The following LRRTM3 variants were observed in gnomAD, a reference collection of about 807,000 sequenced individuals.
LRRTM3 encodes leucine-rich repeat transmembrane neuronal protein 3.
In LRRTM3, 24 loss-of-function variants were observed where a neutral mutation model predicts 44.7. That is an observed-to-expected ratio of 0.54 (90% CI 0.39 to 0.76). The LOEUF (loss-of-function observed/expected upper bound fraction) is 0.76, where lower values mean the gene tolerates loss of function less well. LRRTM3 is among the 30% of genes least tolerant of loss of function. LRRTM3 has a pLI of 0.00. For synonymous variants in LRRTM3, 277 were observed against 278.7 expected, an observed-to-expected ratio of 0.99 and a Z score of 0.06; for missense variants, 587 against 702.2, an observed-to-expected ratio of 0.84 and a Z score of 1.85.
At chr10:66,947,695 A>AT (rs958949736) in intron 2 of LRRTM3, among the ~76,000 whole-genome samples, 1 of 152,136 alleles carries the variant, frequency 6.6e-6, no homozygotes, top group East Asian at 1.9e-4. Flanking sequence ...GTTTTCAAAT[A>AT]TTTTTTTCTT....
chr10:67,020,716 C>A (rs953425792), intron 2 of LRRTM3, among the ~76,000 whole-genome samples: 43 of 152,116 alleles, frequency 2.8e-4, no homozygotes, highest in Middle Eastern at 6.8e-3. Flanking sequence ...GCACTAAAAC[C>A]TGGGTTTTAA....
At chr10:67,072,633 A>G (rs186981735) in intron 2 of LRRTM3, among the ~76,000 whole-genome samples, 1 of 152,236 alleles carries the variant, frequency 6.6e-6, no homozygotes, top group Admixed American at 6.5e-5. Flanking sequence ...CCCCTTGTTT[A>G]TCTATACTTG....
intron 2 of LRRTM3, among the ~76,000 whole-genome samples, chr10:67,047,855 A>G (rs1205567939): frequency 6.6e-6 from 1 of 152,026 alleles, no homozygotes. Context: ...TCCTGCTCTT[A>G]GTTCAATGTC....
intron 2 of LRRTM3, among the ~76,000 whole-genome samples, chr10:67,075,004 C>G (rs1227294055): frequency 6.6e-6 from 1 of 152,086 alleles, no homozygotes; most frequent in African/African-American, 2.4e-5. Flanking sequence ...TCTTTTGGTA[C>G]TTAAAGATGC....
intron 2 of LRRTM3, among the ~76,000 whole-genome samples, chr10:67,070,035 T>C (rs1856351724): frequency 6.6e-6 from 1 of 152,216 alleles, no homozygotes; most frequent in African/African-American, 2.4e-5. Flanking sequence ...AGAACTTCCA[T>C]TGCTCTACAT....
intron 2 of LRRTM3, among the ~76,000 whole-genome samples, chr10:67,088,321 C>A (rs1022228971): frequency 2.0e-5 from 3 of 151,788 alleles, no homozygotes; most frequent in African/African-American, 7.3e-5. Context: ...ATGAATATTT[C>A]TCTTTGGTTT....
chr10:66,980,487 CAAAACTATT>C (rs1564809877), intron 2 of LRRTM3, among the ~76,000 whole-genome samples: 14 of 137,756 alleles, frequency 1.0e-4, no homozygotes, highest in East Asian at 9.8e-4. Context: ...GAACAGGAAC[CAAAACTATT>C]GAGACCTTCC....
intron 2 of LRRTM3, among the ~76,000 whole-genome samples, chr10:66,986,959 G>A (rs371001299): frequency 4.6e-5 from 7 of 152,068 alleles, no homozygotes; most frequent in South Asian, 2.1e-4. Flanking sequence ...AGGTCACATC[G>A]TCAGAATGGG....
At chr10:66,933,669 T>C (rs1300582392) in intron 2 of LRRTM3, among the ~76,000 whole-genome samples, 3 of 152,166 alleles carry the variant, frequency 2.0e-5, no homozygotes, top group Non-Finnish European at 4.4e-5. Context: ...CCTCTTAGTA[T>C]AGAAATTACT....
chr10:67,053,100 T>A (rs1054092928), intron 2 of LRRTM3, among the ~76,000 whole-genome samples: 1 of 152,308 alleles, frequency 6.6e-6, no homozygotes, highest in Admixed American at 6.5e-5. Flanking sequence ...AACTTTGTAA[T>A]ACTGCTTTGT....
chr10:66,981,312 A>G (rs966827221), intron 2 of LRRTM3, among the ~76,000 whole-genome samples: 1 of 152,120 alleles, frequency 6.6e-6, no homozygotes, highest in Admixed American at 6.6e-5. Context: ...ACCTTCATCT[A>G]TATCTCTAAA....
chr10:67,016,885 A>T (rs1434194965), intron 2 of LRRTM3, among the ~76,000 whole-genome samples: 1 of 152,210 alleles, frequency 6.6e-6, no homozygotes, highest in Non-Finnish European at 1.5e-5. Context: ...AACTGGAATG[A>T]TACGAATATT....
At chr10:67,066,055 AT>A (rs1564867048) in intron 2 of LRRTM3, among the ~76,000 whole-genome samples, 1 of 152,114 alleles carries the variant, frequency 6.6e-6, no homozygotes, top group Non-Finnish European at 1.5e-5. Context: ...CTATGAGGTT[AT>A]TTAGGGTCTG....
At position 67,050,326 on chromosome 10, in the gene LRRTM3, G is replaced by C. The variant is rs185577775; in HGVS notation, c.1537-47261G>C. Among the ~76,000 whole-genome samples the C allele has an allele frequency of 1.1e-4, 16 of 152,000 alleles. No individual in the cohort carries two copies. The East Asian group carries it at 3.1e-3, about 29-fold the overall frequency. On this transcript the variant is annotated intron_variant, in intron 2 of 2. Transcript: ENST00000361320. ...CCTGCTCTCCCTTTCTTGAGCGTTC[G>C]GTCTACTTTTTCTTTTTGCAACTGA...
At chr10:67,027,953 AT>A (rs1428240946) in intron 2 of LRRTM3, among the ~76,000 whole-genome samples, 1 of 152,120 alleles carries the variant, frequency 6.6e-6, no homozygotes, top group Non-Finnish European at 1.5e-5. Context: ...TAAAATCTCC[AT>A]CTGTTTTCTC....
In LRRTM3 at chr10:66,981,445, C is replaced by T. The variant is rs73314119; in HGVS notation, c.1536+52993C>T. ...GAATTGCCACTGACCATATGACTTACCCATCCCCATTTCCATTTCCATTTA... is the reference window on the plus strand; with the variant it reads ...GAATTGCCACTGACCATATGACTTATCCATCCCCATTTCCATTTCCATTTA... On this transcript the variant is annotated intron_variant, in intron 2 of 2. Coordinates refer to ENST00000361320, the MANE Select transcript of LRRTM3 (RefSeq NM_178011.5). 7.4e-3 allele frequency among the ~76,000 whole-genome samples: 1,132 copies of T among 152,272 alleles called. 18 individuals carry two copies. Among genetic ancestry groups the T allele is most frequent in the African/African-American group, 0.026 (1,079 of 41,556 alleles).
chr10:67,070,092 G>A (rs573910465), intron 2 of LRRTM3, among the ~76,000 whole-genome samples: 17 of 152,090 alleles, frequency 1.1e-4, no homozygotes, highest in Non-Finnish European at 2.2e-4. Flanking sequence ...AGTCATTCTC[G>A]TCAGTGTGTA....
Position 66,942,620 on chromosome 10 carries a change from G to C in LRRTM3, c.1536+14168G>C, listed in dbSNP as rs183305710. ...TGTGTGTGTCTGCGTGTGTGTGCAT[G>C]TGTCTCTCTCTTTCCCTTTTTTCTC... is the stretch of plus-strand genomic sequence containing the variant. On this transcript the variant is annotated intron_variant, in intron 2 of 2. Coordinates refer to ENST00000361320, the MANE Select transcript of LRRTM3 (RefSeq NM_178011.5). 3.3e-5 allele frequency among the ~76,000 whole-genome samples: 5 copies of C among 151,602 alleles called. No homozygotes were observed. In the East Asian group the frequency reaches 9.7e-4, roughly 30 times the overall value.
chr10:67,035,766 T>C (rs774330974), intron 2 of LRRTM3, among the ~76,000 whole-genome samples: 6 of 146,194 alleles, frequency 4.1e-5, no homozygotes, highest in Non-Finnish European at 9.0e-5. Context: ...AGCTTTAATG[T>C]TATTCTTATA....
Sources: gnomAD v4.1 joint callset for allele counts (sites outside exome capture counted in the v4.1 genomes callset) on GRCh38, gnomAD v4.1.1 for gene constraint, MANE v1.5 for transcripts, NCBI Gene and HGNC (gene_info 2026-07-23, HGNC 2026-07-21) for gene names.